LIN28B: variants seen among roughly 807,000 people sequenced by gnomAD.
The protein encoded by LIN28B is protein lin-28 homolog B.
In LIN28B, 5 loss-of-function variants were observed where a neutral mutation model predicts 21.9. The ratio of observed to expected loss-of-function variants is 0.23; its 90% confidence interval spans 0.12 to 0.48. The LOEUF (loss-of-function observed/expected upper bound fraction) is 0.48, where lower values mean the gene tolerates loss of function less well. Among genes scored for constraint, LIN28B ranks in the 20% least tolerant of loss-of-function variants. The probability of loss-of-function intolerance (pLI) is 0.98; values close to 1 mark genes in which losing one functional copy is unlikely to be tolerated. For missense variants in LIN28B, 245 were observed against 310.5 expected (o/e 0.79, Z 1.58); for synonymous variants, 109 against 111.3 (o/e 0.98, Z 0.13).
At chr6:105,041,933 T>C (rs1008936287) in intron 3 of LIN28B, among the ~76,000 whole-genome samples, 1 of 152,168 alleles carries the variant, frequency 6.6e-6, no homozygotes, top group Non-Finnish European at 1.5e-5. Context: ...TCACGTAGTT[T>C]ATAATTCCAG....
At chr6:104,953,661 A>AG (rs1778248735), upstream of LIN28B, among the ~76,000 whole-genome samples, 1 of 152,220 alleles carries the variant, frequency 6.6e-6, no homozygotes, top group Non-Finnish European at 1.5e-5. Context: ...AGGAAGCTGC[A>AG]GAGGCAGGAG....
chr6:104,985,674 T>G (rs149317637), intron 2 of LIN28B, among the ~76,000 whole-genome samples: 1,823 of 152,308 alleles, frequency 0.012, 20 homozygotes, highest in Non-Finnish European at 0.018. Context: ...ATATTTTCTT[T>G]TACAGGTAGT....
In LIN28B at chr6:104,938,177, C is replaced by T. The variant is rs989114615; in HGVS notation, c.18+1061C>T. On this transcript the variant is annotated intron_variant, in intron 2 of 5. Coordinates refer to the LIN28B transcript ENST00000635857. ...GGATTCTCACTTGTGCCCAGGAGGT[C>T]GAAGCTGCAGTAGCTAGGAAGGTAC... Among the ~76,000 whole-genome samples the T allele has an allele frequency of 8.6e-5, 13 of 151,376 alleles. 1 individual carries two copies. The highest frequency in any genetic ancestry group is 1.7e-4 in the African/African-American group (7 of 41,110).
At chr6:105,011,401 G>A (rs1770919640) in intron 2 of LIN28B, among the ~76,000 whole-genome samples, 1 of 152,128 alleles carries the variant, frequency 6.6e-6, no homozygotes, top group East Asian at 1.9e-4. Context: ...ATGTTGCCAG[G>A]TTGGTGTTTA....
chr6:104,975,684 T>C (rs1014598176), intron 2 of LIN28B, among the ~76,000 whole-genome samples: 31 of 152,162 alleles, frequency 2.0e-4, no homozygotes, highest in African/African-American at 7.2e-4. Context: ...GACCTTGTTC[T>C]GTCTCCCAGG....
At chr6:104,959,381 A>G (rs1031319717) in intron 2 of LIN28B, among the ~76,000 whole-genome samples, 2 of 152,236 alleles carry the variant, frequency 1.3e-5, no homozygotes, top group African/African-American at 2.4e-5. Flanking sequence ...CTTGAAAAGT[A>G]TATATTTGAT....
At chr6:105,051,418 G>A (rs1425988160) in intron 3 of LIN28B, among the ~76,000 whole-genome samples, 5 of 150,888 alleles carry the variant, frequency 3.3e-5, no homozygotes, top group South Asian at 2.1e-4. Context: ...CAGCCTGGGC[G>A]ACAGAGCGAG....
intron 2 of LIN28B, among the ~76,000 whole-genome samples, chr6:104,983,975 G>A (rs1215329395): frequency 1.3e-5 from 2 of 152,170 alleles, no homozygotes; most frequent in African/African-American, 4.8e-5. Flanking sequence ...ACTATGACAA[G>A]TAAGTCACGA....
At chr6:105,067,460 C>T (rs938102337) in intron 3 of LIN28B, among the ~76,000 whole-genome samples, 3 of 152,150 alleles carry the variant, frequency 2.0e-5, no homozygotes, top group Admixed American at 6.5e-5. Flanking sequence ...CAGCACTGGC[C>T]GAGTACCCAC....
chr6:104,938,751 CCTT>C (rs1778044484), intron 2 of LIN28B, among the ~76,000 whole-genome samples: 1 of 152,114 alleles, frequency 6.6e-6, no homozygotes, highest in Admixed American at 6.5e-5. Flanking sequence ...CTAACATACT[CCTT>C]AATGCTTAGC....
At chr6:105,003,293 G>A (rs1394791782) in intron 2 of LIN28B, among the ~76,000 whole-genome samples, 3 of 152,186 alleles carry the variant, frequency 2.0e-5, no homozygotes, top group African/African-American at 4.8e-5. Flanking sequence ...GATTCATAAT[G>A]TTCAGTGCTG....
At chr6:105,032,304 ATGTT>A (rs1771441750) in intron 3 of LIN28B, among the ~76,000 whole-genome samples, 1 of 152,260 alleles carries the variant, frequency 6.6e-6, no homozygotes, top group African/African-American at 2.4e-5. Flanking sequence ...TCATATATGT[ATGTT>A]TAACTTTATA....
intron 2 of LIN28B, among the ~76,000 whole-genome samples, chr6:104,979,368 C>T (rs375884976): frequency 4.0e-5 from 6 of 151,868 alleles, no homozygotes; most frequent in Non-Finnish European, 5.9e-5. Context: ...CCACCACGCC[C>T]GGCTAATTTT....
intron 3 of LIN28B, among the ~76,000 whole-genome samples, chr6:105,056,449 A>G (rs762405092): frequency 6.6e-6 from 1 of 152,116 alleles, no homozygotes; most frequent in Non-Finnish European, 1.5e-5. Flanking sequence ...CCTAGGGTAC[A>G]TAGAGTATGA....
Position 105,070,592 on chromosome 6 carries a change from C to CCACACACACACACACACACACACACA in LIN28B, c.384-7798_384-7773dup, listed in dbSNP as rs752057191. On this transcript the variant is annotated intron_variant, in intron 3 of 3. Transcript: ENST00000345080. ...CAAAACTCTATCTCTATCAATAAAA[C>CCACACACACACACACACACACACACA]CACACACACACACACACACACACAC... Among the ~76,000 whole-genome samples the CCACACACACACACACACACACACACA allele has an allele frequency of 6.1e-3, 561 of 92,214 alleles. 30 individuals are homozygous for CCACACACACACACACACACACACACA. Among genetic ancestry groups the CCACACACACACACACACACACACACA allele is most frequent in the Non-Finnish European group, 7.0e-3 (329 of 47,290 alleles). 60.5% of individuals were successfully genotyped at this position (92,214 alleles called of 152,430 possible).
At chr6:104,946,092 A>G (rs1289322367) in intron 2 of LIN28B, among the ~76,000 whole-genome samples, 2 of 151,956 alleles carry the variant, frequency 1.3e-5, no homozygotes, top group South Asian at 4.1e-4. Context: ...ATTAAATTAT[A>G]TACTTTATAA....
chr6:105,023,128 G>C (rs774890262), intron 2 of LIN28B, among the ~76,000 whole-genome samples: 5 of 137,972 alleles, frequency 3.6e-5, no homozygotes, highest in Non-Finnish European at 6.1e-5. Flanking sequence ...CTATGTAGCA[G>C]CTATTTTGGT....
intron 3 of LIN28B, among the ~76,000 whole-genome samples, chr6:105,071,410 AATTT>A (rs1322902568): frequency 6.6e-6 from 1 of 151,992 alleles, no homozygotes. Context: ...ATGTGGCTTT[AATTT>A]ATTTTTCATT....
chr6:105,032,748 C>T (rs571769430), intron 3 of LIN28B, among the ~76,000 whole-genome samples: 1 of 151,966 alleles, frequency 6.6e-6, no homozygotes, highest in Non-Finnish European at 1.5e-5. Context: ...TTTAACCATT[C>T]TGTTAGGCGT....
Sources: gnomAD v4.1 joint callset for allele counts (sites outside exome capture counted in the v4.1 genomes callset) on GRCh38, gnomAD v4.1.1 for gene constraint, MANE v1.5 for transcripts, NCBI Gene and HGNC (gene_info 2026-07-23, HGNC 2026-07-21) for gene names.